RELN: variants seen among roughly 807,000 people sequenced by gnomAD.
The protein encoded by RELN is reelin.
A neutral mutation model predicts 427.6 loss-of-function variants in RELN; 108 were observed. That is an observed-to-expected ratio of 0.25 (90% confidence interval 0.22 to 0.30). The LOEUF (loss-of-function observed/expected upper bound fraction) is 0.30, where lower values mean the gene tolerates loss of function less well. RELN is among the 10% of genes least tolerant of loss of function. RELN has a pLI of 1.00. For missense variants in RELN, 3,715 were observed against 4,302.8 expected, an observed-to-expected ratio of 0.86 and a Z score of 3.82; for synonymous variants, 1,524 against 1,513.4, an observed-to-expected ratio of 1.01 and a Z score of -0.16.
At chr7:103,909,853 TAATTC>T (rs1795324084) in intron 2 of RELN, among the ~76,000 whole-genome samples, 1 of 132,406 alleles carries the variant, frequency 7.6e-6, no homozygotes, top group African/African-American at 2.9e-5. Context: ...TATATTTAAA[TAATTC>T]ATTTTGTAAT....
chr7:103,559,512 T>C (rs1455391745), intron 36 of RELN, among the ~76,000 whole-genome samples: 1 of 152,228 alleles, frequency 6.6e-6, no homozygotes, highest in African/African-American at 2.4e-5. Flanking sequence ...TGCATCTTCT[T>C]CATTTCTTCA....
chr7:103,786,075 C>T (rs561111154), intron 3 of RELN, among the ~76,000 whole-genome samples: 1 of 151,914 alleles, frequency 6.6e-6, no homozygotes, highest in South Asian at 2.1e-4. Flanking sequence ...AAAGTACATA[C>T]AAGTGTTGCT....
intron 22 of RELN, among the ~76,000 whole-genome samples, chr7:103,606,061 G>A (rs1301713516): frequency 6.6e-6 from 1 of 152,160 alleles, no homozygotes; most frequent in African/African-American, 2.4e-5. Context: ...TACTATAAAA[G>A]TAGATGCATT....
In RELN at chr7:103,920,566, G is replaced by GTTTT. The variant is rs1563092030; in HGVS notation, c.227-3382_227-3381insAAAA. 3.5e-5 allele frequency among the ~76,000 whole-genome samples: 4 copies of GTTTT among 114,688 alleles called. 1 individual carries two copies. Among genetic ancestry groups the GTTTT allele is most frequent in the African/African-American group, 1.9e-4 (4 of 21,530 alleles). The allele number at this position is 114,688 out of a possible 152,430, so 75.2% of individuals were successfully genotyped here. ...ACACATGTTTGTTGTACCAGTCTTT[G>GTTTT]GTTTTTTTTTTTGTTTTTTTTTTTT... On this transcript the variant is annotated intron_variant, in intron 1 of 64. Transcript: ENST00000428762.
In RELN at chr7:103,895,765, T is replaced by TA. The variant is rs1293619083; in HGVS notation, c.337+21309dup. On this transcript the variant is annotated intron_variant, in intron 2 of 64. Transcript: ENST00000428762. Reference sequence around the variant, plus strand: ...AGGCTCTATCACCTGGAGCATACGTTAAAAAAATTGCATTGAGATAGGCAA... The same window carrying TA: ...AGGCTCTATCACCTGGAGCATACGTTAAAAAAAATTGCATTGAGATAGGCAA... Among the ~76,000 whole-genome samples the TA allele has an allele frequency of 1.2e-4, 19 of 152,056 alleles. No homozygotes were observed. The South Asian group carries it at 3.7e-3, about 30-fold the overall frequency.
At chr7:103,917,008 C>T (rs983763640) in intron 2 of RELN, 67 bp downstream of exon 2, 5 of 1,148,974 alleles carry the variant, frequency 4.4e-6, no homozygotes, top group African/African-American at 1.5e-5. Flanking sequence ...AAAACAGATA[C>T]TTTAAAACAT....
intron 1 of RELN, among the ~76,000 whole-genome samples, chr7:103,967,846 G>A (rs138951392): frequency 1.8e-4 from 28 of 152,184 alleles, no homozygotes; most frequent in Admixed American, 7.2e-4. Context: ...GGTCCATACC[G>A]GAACCATCTT....
At position 103,494,394 on chromosome 7, in the gene RELN, G is replaced by GTGTGTGTGTGTGTGTGTGAGT. The variant is rs774896895; in HGVS notation, c.9369+1328_9369+1329insACTCACACACACACACACACA. Among the ~76,000 whole-genome samples the GTGTGTGTGTGTGTGTGTGAGT allele has an allele frequency of 2.5e-4, 34 of 134,546 alleles. No homozygotes were observed. In the South Asian group the frequency reaches 8.4e-3, roughly 33 times the overall value. The allele number at this position is 134,546 out of a possible 152,430, so 88.3% of individuals were successfully genotyped here. On this transcript the variant is annotated intron_variant, in intron 57 of 64. Coordinates refer to ENST00000428762, the MANE Select transcript of RELN (RefSeq NM_005045.4). Reference sequence around the variant, plus strand: ...GTGTGTGTGTGTGTGTGTGTGTGTGGGATATGGTCTTGTTCTGTTGCCCTA... The same window carrying GTGTGTGTGTGTGTGTGTGAGT: ...GTGTGTGTGTGTGTGTGTGTGTGTGGTGTGTGTGTGTGTGTGTGAGTGATATGGTCTTGTTCTGTTGCCCTA...
chr7:103,986,427 C>G (rs1382127761), intron 1 of RELN, among the ~76,000 whole-genome samples: 1 of 151,782 alleles, frequency 6.6e-6, no homozygotes, highest in African/African-American at 2.4e-5. Flanking sequence ...TAAAGATATT[C>G]CATAGATATA....
At chr7:103,769,234 G>A (rs1334482595) in intron 4 of RELN, among the ~76,000 whole-genome samples, 1 of 152,206 alleles carries the variant, frequency 6.6e-6, no homozygotes, top group African/African-American at 2.4e-5. Flanking sequence ...CAGAGTGACA[G>A]TAGTAAGAGG....
rs532153046 is a variant in RELN, at chr7:103,486,247, G to A, written c.9933C>T (p.Gly3311=). Residue 3311 remains glycine, a synonymous_variant, in exon 61 of 65, where the codon GGC becomes GGT. Transcript: ENST00000428762. ...TGGTAGCTGCTTGCCTGATCTGACA[G>A]CCATTAAAGTACAGTGAGTCTCCAT... is the stretch of plus-strand genomic sequence containing the variant. The part of the protein sequence containing the change: ...YAHGDSLYFN[G]CQIRQAATKP... 18 of 1,614,116 alleles carry A rather than the reference G, an allele frequency of 1.1e-5. No homozygotes were observed. The highest frequency in any genetic ancestry group is 3.3e-5 in the Admixed American group (2 of 60,024).
At chr7:103,716,034 T>C (rs1789928965) in intron 8 of RELN, among the ~76,000 whole-genome samples, 1 of 152,126 alleles carries the variant, frequency 6.6e-6, no homozygotes, top group Non-Finnish European at 1.5e-5. Context: ...GAGACAGCAT[T>C]AGTATCATTG....
chr7:103,612,766 C>T (rs866865913), intron 20 of RELN, among the ~76,000 whole-genome samples: 3 of 152,244 alleles, frequency 2.0e-5, no homozygotes, highest in African/African-American at 4.8e-5. Context: ...GTAAAATTCA[C>T]GTCACGGGTC....
Position 103,603,198 on chromosome 7 carries a change from G to C in RELN, c.3333+106C>G, listed in dbSNP as rs1044276531. ...TTGATAGAGCCCACTCAAAAGCGGGGAACGTGGGGAACAATAGAACCACTT... is the reference window on the plus strand; with the variant it reads ...TTGATAGAGCCCACTCAAAAGCGGGCAACGTGGGGAACAATAGAACCACTT... On this transcript the variant is annotated intron_variant, in intron 24 of 64. Coordinates refer to ENST00000428762, the MANE Select transcript of RELN (RefSeq NM_005045.4). This position sits in a 1 kb window ranked among gnomAD's most constrained non-coding sequence, Gnocchi z 4.3. The C allele has an allele frequency of 7.6e-6, 7 of 926,850 alleles. No individual in the cohort carries two copies. The African/African-American group carries it at 1.1e-4, about 15-fold the overall frequency. 57.4% of individuals were successfully genotyped at this position (926,850 alleles called of 1,614,324 possible).
In RELN at chr7:103,489,899, A is replaced by C. The variant is rs1182969373; in HGVS notation, c.9606T>G (p.Ser3202Arg). Residue 3202 changes from serine (S) to arginine (R), a missense_variant and splice_region_variant, in exon 60 of 65, where the codon AGT becomes AGG. Around this residue, in one of 4 missense-constraint regions of RELN, gnomAD observed 1,310 missense variants for 1,643.0 expected, o/e 0.80. Coordinates refer to ENST00000428762, the MANE Select transcript of RELN (RefSeq NM_005045.4). ...TIQLPDHVSS[S>R]ATQFRWIQKG... ...TCTGGATCCAGCGGAACTGTGTTGCACTGAAAGAACCACAGAGAGCAGAAG... is the reference window on the plus strand; with the variant it reads ...TCTGGATCCAGCGGAACTGTGTTGCCCTGAAAGAACCACAGAGAGCAGAAG... 5.6e-6 allele frequency: 9 copies of C among 1,613,970 alleles called. No individual in the cohort carries two copies. Among genetic ancestry groups the C allele is most frequent in the Non-Finnish European group, 7.6e-6 (9 of 1,180,012 alleles).
intron 1 of RELN, among the ~76,000 whole-genome samples, chr7:103,936,006 A>C (rs954883878): frequency 6.6e-6 from 1 of 151,832 alleles, no homozygotes; most frequent in South Asian, 2.1e-4. Context: ...TGCCAATTTT[A>C]TCTCTTAAAT....
At chr7:103,812,629 C>A (rs1563027916) in intron 3 of RELN, among the ~76,000 whole-genome samples, 1 of 152,310 alleles carries the variant, frequency 6.6e-6, no homozygotes, top group East Asian at 1.9e-4. Flanking sequence ...TATTTGCACA[C>A]ATATGACAAA....
At chr7:103,645,278 T>C (rs1347854304) in intron 16 of RELN, among the ~76,000 whole-genome samples, 1 of 151,728 alleles carries the variant, frequency 6.6e-6, no homozygotes, top group African/African-American at 2.4e-5. Flanking sequence ...AACTCACATG[T>C]CAATATAGTT....
chr7:103,932,486 A>G (rs1364352772), intron 1 of RELN, among the ~76,000 whole-genome samples: 1 of 152,190 alleles, frequency 6.6e-6, no homozygotes, highest in African/African-American at 2.4e-5. Flanking sequence ...ACAAACCTCC[A>G]TGACACAAGT....
Sources: gnomAD v4.1 joint callset for allele counts (sites outside exome capture counted in the v4.1 genomes callset) on GRCh38, gnomAD v4.1.1 for gene constraint, gnomAD v4.1.1 regional missense constraint, Gnocchi (gnomAD v3.1) non-coding constraint, MANE v1.5 for transcripts, NCBI Gene and HGNC (gene_info 2026-07-23, HGNC 2026-07-21) for gene names.